JAKMIP1: variants seen among roughly 807,000 people sequenced by gnomAD.
JAKMIP1 encodes the protein janus kinase and microtubule-interacting protein 1.
A neutral mutation model predicts 113.0 loss-of-function variants in JAKMIP1; 33 were observed. That is an observed-to-expected ratio of 0.29 (90% confidence interval 0.22 to 0.39). The LOEUF (loss-of-function observed/expected upper bound fraction) is 0.39, where lower values mean the gene tolerates loss of function less well. Among genes scored for constraint, JAKMIP1 ranks in the 10% least tolerant of loss-of-function variants. JAKMIP1 has a pLI of 1.00. For missense variants in JAKMIP1, 813 were observed against 1,080.5 expected (o/e 0.75, Z 3.47); for synonymous variants, 480 against 459.9 (o/e 1.04, Z -0.56).
At position 6,097,823 on chromosome 4, in the gene JAKMIP1, T is replaced by G. The variant is rs140920389; in HGVS notation, c.624+7650A>C. On this transcript the variant is annotated intron_variant, in intron 3 of 20. Coordinates refer to ENST00000409021, the MANE Select transcript of JAKMIP1 (RefSeq NM_001099433.2). The surrounding 1 kb of genome is among the most constrained non-coding windows in gnomAD (Gnocchi z 4.3). ...CCTTAGGCAGCTTGGAGAAACGCAATCTGGTTCCCTTGATCAAAAGCACCC... is the reference window on the plus strand; with the variant it reads ...CCTTAGGCAGCTTGGAGAAACGCAAGCTGGTTCCCTTGATCAAAAGCACCC... 8.6e-3 allele frequency among the ~76,000 whole-genome samples: 1,309 copies of G among 152,316 alleles called. 21 individuals carry two copies. The highest frequency in any genetic ancestry group is 0.03 in the African/African-American group (1,255 of 41,562).
At chr4:6,070,112 A>G (rs2108801682) in intron 8 of JAKMIP1, 1 of 398,922 alleles carries the variant, frequency 2.5e-6, no homozygotes, top group East Asian at 3.6e-5. Context: ...ACACCAGGGC[A>G]CAGAGACACA....
At chr4:6,060,384 A>G in intron 11 of JAKMIP1, 40 bp downstream of exon 11, 1 of 1,489,164 alleles carries the variant, frequency 6.7e-7, no homozygotes, top group South Asian at 1.1e-5. Flanking sequence ...AAGGGGACAG[A>G]AAGGCTAAGA....
rs1036005555 is a variant in JAKMIP1, at chr4:6,076,042, G to A, written c.1302+2897C>T. Among the ~76,000 whole-genome samples, 1 of 152,156 alleles carries A rather than the reference G, an allele frequency of 6.6e-6. No homozygotes were observed. Among genetic ancestry groups the A allele is most frequent in the African/African-American group, 2.4e-5 (1 of 41,424 alleles). Reference sequence around the variant, plus strand: ...AAATACAAAATTAGCCAGGCGTGGTGGCACATGCCTGTAATCTCGGCTACT... The same window carrying A: ...AAATACAAAATTAGCCAGGCGTGGTAGCACATGCCTGTAATCTCGGCTACT... On this transcript the variant is annotated intron_variant, in intron 8 of 20. Transcript: ENST00000409021. The surrounding 1 kb of genome is among the most constrained non-coding windows in gnomAD (Gnocchi z 4.8).
rs1455026586 is a variant in JAKMIP1 at position 6,106,499 on chromosome 4, T to A, written c.130-532A>T. Reference sequence around the variant, plus strand: ...TTGCCACATGAACCCCTCACGGTCTTGGGAAGGAAGTAGCGTGCTCCCTCT... The same window carrying A: ...TTGCCACATGAACCCCTCACGGTCTAGGGAAGGAAGTAGCGTGCTCCCTCT... On this transcript the variant is annotated intron_variant, in intron 2 of 20. Coordinates refer to ENST00000409021, the MANE Select transcript of JAKMIP1 (RefSeq NM_001099433.2). This position sits in a 1 kb window ranked among gnomAD's most constrained non-coding sequence, Gnocchi z 5.9. Among the ~76,000 whole-genome samples the A allele has an allele frequency of 6.6e-6, 1 of 151,880 alleles. No homozygotes were observed. Among genetic ancestry groups the A allele is most frequent in the African/African-American group, 2.4e-5 (1 of 41,346 alleles).
chr4:6,119,485 G>C (rs941020617), intron 1 of JAKMIP1, among the ~76,000 whole-genome samples: 2 of 151,866 alleles, frequency 1.3e-5, no homozygotes, highest in Non-Finnish European at 2.9e-5. Context: ...TGGAGGTTGC[G>C]GTGAGCCGAG....
intron 1 of JAKMIP1, among the ~76,000 whole-genome samples, chr4:6,149,245 C>T (rs7692375): frequency 0.52 from 79,406 of 152,114 alleles, 23,231 homozygotes; most frequent in African/African-American, 0.8. Context: ...AGTAAAATCA[C>T]GCTAATCAAA....
rs1018267785 is a variant in JAKMIP1 at position 6,044,027 on chromosome 4, C to T, written c.2029-1800G>A. Among the ~76,000 whole-genome samples the T allele has an allele frequency of 6.6e-6, 1 of 152,080 alleles. No individual in the cohort carries two copies. Among genetic ancestry groups the T allele is most frequent in the Non-Finnish European group, 1.5e-5 (1 of 68,008 alleles). On this transcript the variant is annotated intron_variant, in intron 16 of 20. Coordinates refer to ENST00000409021, the MANE Select transcript of JAKMIP1 (RefSeq NM_001099433.2). The surrounding 1 kb of genome is among the most constrained non-coding windows in gnomAD (Gnocchi z 4.4). Reference sequence around the variant, plus strand: ...CTACCTCTCCTGGCCCCAGCCTCAGCCCCAGGCCTTTAACAAGCTAGCATC... The same window carrying T: ...CTACCTCTCCTGGCCCCAGCCTCAGTCCCAGGCCTTTAACAAGCTAGCATC...
chr4:6,120,902 C>T (rs201959074), intron 1 of JAKMIP1, among the ~76,000 whole-genome samples: 1 of 147,006 alleles, frequency 6.8e-6, no homozygotes, highest in African/African-American at 2.5e-5. Context: ...ACAAAGCAAG[C>T]TCAAAAAATG....
intron 2 of JAKMIP1, among the ~76,000 whole-genome samples, chr4:6,109,620 G>A (rs1050849511): frequency 3.9e-5 from 6 of 151,934 alleles, no homozygotes; most frequent in Non-Finnish European, 7.4e-5. Context: ...GACAGGGTCT[G>A]TCTCTGAGTT....
At chr4:6,127,437 C>A (rs559083035) in intron 1 of JAKMIP1, among the ~76,000 whole-genome samples, 45 of 152,292 alleles carry the variant, frequency 3.0e-4, no homozygotes, top group African/African-American at 1.0e-3. Flanking sequence ...CCAGGGGAAG[C>A]CTGTGCCTGA....
intron 1 of JAKMIP1, among the ~76,000 whole-genome samples, chr4:6,159,823 T>G (rs1722687843): frequency 6.6e-6 from 1 of 152,196 alleles, no homozygotes; most frequent in Admixed American, 6.5e-5. Flanking sequence ...CCTAAGGAAA[T>G]AATCCACAAA....
chr4:6,066,517 T>C (rs549996816), intron 8 of JAKMIP1, among the ~76,000 whole-genome samples: 2 of 152,220 alleles, frequency 1.3e-5, no homozygotes, highest in East Asian at 3.9e-4. Flanking sequence ...AGCTGCGTCC[T>C]TTATGGCATT....
At chr4:6,130,990 A>G (rs111805556) in intron 1 of JAKMIP1, among the ~76,000 whole-genome samples, 2,079 of 152,102 alleles carry the variant, frequency 0.014, 44 homozygotes, top group African/African-American at 0.046. Flanking sequence ...CATGGGCAAC[A>G]TGATGAAACC....
intron 19 of JAKMIP1, among the ~76,000 whole-genome samples, chr4:6,030,746 C>G (rs1231688542): frequency 6.6e-6 from 1 of 152,228 alleles, no homozygotes; most frequent in African/African-American, 2.4e-5. Flanking sequence ...CACCATAGGC[C>G]TTTATTCAGG....
At chr4:6,037,335 G>T (rs761888971) in intron 18 of JAKMIP1, among the ~76,000 whole-genome samples, 2 of 112,064 alleles carry the variant, frequency 1.8e-5, no homozygotes, top group Non-Finnish European at 3.3e-5. Context: ...CATCACCGAG[G>T]CAGAGGTTAA....
At chr4:6,109,774 G>A (rs1004815541) in intron 2 of JAKMIP1, among the ~76,000 whole-genome samples, 15 of 152,018 alleles carry the variant, frequency 9.9e-5, no homozygotes, top group Non-Finnish European at 2.2e-4. Flanking sequence ...ACTTTAAATG[G>A]GACATTGACA....
At chr4:6,104,447 T>C (rs1377915594) in intron 3 of JAKMIP1, among the ~76,000 whole-genome samples, 1 of 152,398 alleles carries the variant, frequency 6.6e-6, no homozygotes, top group South Asian at 2.1e-4. Context: ...TTAGTATTAC[T>C]TCTTGCCTTA....
intron 8 of JAKMIP1, 147 bp downstream of exon 8, chr4:6,078,789 GTGA>G (rs1720057167): frequency 8.9e-6 from 6 of 677,510 alleles, no homozygotes; most frequent in Non-Finnish European, 1.6e-5. Context: ...TTGAGAGACG[GTGA>G]TGACAGGCTT....
chr4:6,050,845 C>T lies in JAKMIP1; in HGVS notation c.1807-166G>A, dbSNP rs1188331758. ...CCTCGTCCGTGAGCTACGACGTTTT[C>T]ACGCCTTCCCACGCAGCAGTTCTCC... On this transcript the variant is annotated intron_variant, in intron 13 of 20. Coordinates refer to ENST00000409021, the MANE Select transcript of JAKMIP1 (RefSeq NM_001099433.2). The surrounding 1 kb of genome is among the most constrained non-coding windows in gnomAD (Gnocchi z 7.4). 6.6e-6 allele frequency among the ~76,000 whole-genome samples: 1 copy of T among 152,224 alleles called. No individual in the cohort carries two copies. Among genetic ancestry groups the T allele is most frequent in the African/African-American group, 2.4e-5 (1 of 41,456 alleles).
Sources: gnomAD v4.1 joint callset for allele counts (sites outside exome capture counted in the v4.1 genomes callset) on GRCh38, gnomAD v4.1.1 for gene constraint, Gnocchi (gnomAD v3.1) non-coding constraint, MANE v1.5 for transcripts, NCBI Gene and HGNC (gene_info 2026-07-23, HGNC 2026-07-21) for gene names.